CDH13: variants seen among roughly 807,000 people sequenced by gnomAD.
CDH13 encodes the protein cadherin-13.
CDH13 carries 24 observed loss-of-function variants against 63.8 expected under a neutral mutation model. The ratio of observed to expected loss-of-function variants is 0.38; its 90% CI spans 0.27 to 0.53. The LOEUF is 0.53. Among genes scored for constraint, CDH13 ranks in the 20% least tolerant of loss-of-function variants. The pLI is 0.85. For synonymous variants in CDH13, 503 were observed against 355.3 expected, an observed-to-expected ratio of 1.42 and a Z score of -4.67; for missense variants, 1,049 against 903.1, an observed-to-expected ratio of 1.16 and a Z score of -2.07.
chr16:83,188,192 T>A (rs1027005595), intron 4 of CDH13, among the ~76,000 whole-genome samples: 1 of 152,150 alleles, frequency 6.6e-6, no homozygotes, highest in African/African-American at 2.4e-5. Flanking sequence ...CTTATGTCTT[T>A]ATTGAATGGC....
chr16:83,492,127 G>T lies in CDH13; in HGVS notation c.960+5472G>T, dbSNP rs187539617. Among the ~76,000 whole-genome samples, 125 of 152,186 alleles carry T rather than the reference G, an allele frequency of 8.2e-4. 1 individual carries two copies. The highest frequency in any genetic ancestry group is 2.9e-3 in the African/African-American group (121 of 41,514). ...ATGACCCATGTTAAAATATTGTCACGTAGCATGCATCTCCAGAAACATACT... is the reference window on the plus strand; with the variant it reads ...ATGACCCATGTTAAAATATTGTCACTTAGCATGCATCTCCAGAAACATACT... On this transcript the variant is annotated intron_variant, in intron 7 of 13. Coordinates refer to ENST00000567109, the MANE Select transcript of CDH13 (RefSeq NM_001257.5).
At chr16:83,582,654 C>T (rs1567783081) in intron 7 of CDH13, among the ~76,000 whole-genome samples, 1 of 152,116 alleles carries the variant, frequency 6.6e-6, no homozygotes, top group African/African-American at 2.4e-5. Flanking sequence ...CACTTCCCAG[C>T]CGTGGGACAT....
At chr16:83,572,717 G>A (rs1443622091) in intron 7 of CDH13, among the ~76,000 whole-genome samples, 1 of 152,154 alleles carries the variant, frequency 6.6e-6, no homozygotes. Context: ...AGCCAAACAT[G>A]GCATTCGTGA....
At chr16:83,063,549 T>C (rs2031761548) in intron 3 of CDH13, among the ~76,000 whole-genome samples, 1 of 152,216 alleles carries the variant, frequency 6.6e-6, no homozygotes, top group Non-Finnish European at 1.5e-5. Flanking sequence ...ACAGAGATGA[T>C]TTAGCTGAAG....
At chr16:83,532,560 G>A (rs1290705765) in intron 7 of CDH13, among the ~76,000 whole-genome samples, 1 of 152,220 alleles carries the variant, frequency 6.6e-6, no homozygotes, top group Non-Finnish European at 1.5e-5. Context: ...GCTAGTGCAT[G>A]GTAGCTTCTC....
intron 9 of CDH13, among the ~76,000 whole-genome samples, chr16:83,674,856 T>G (rs999230170): frequency 6.6e-6 from 1 of 152,216 alleles, no homozygotes; most frequent in African/African-American, 2.4e-5. Flanking sequence ...CAACCCTACA[T>G]TTTAAGTTTA....
At chr16:82,670,394 A>G (rs1913098753) in intron 1 of CDH13, among the ~76,000 whole-genome samples, 1 of 152,124 alleles carries the variant, frequency 6.6e-6, no homozygotes, top group South Asian at 2.1e-4. Flanking sequence ...TCCTTCACGC[A>G]CCTATGGGTG....
At chr16:83,358,943 A>C (rs1230711196) in intron 6 of CDH13, among the ~76,000 whole-genome samples, 2 of 152,208 alleles carry the variant, frequency 1.3e-5, no homozygotes, top group Non-Finnish European at 2.9e-5. Context: ...GTCTAGTACT[A>C]ATAATCTGAA....
At chr16:83,053,851 C>A (rs945371290) in intron 3 of CDH13, among the ~76,000 whole-genome samples, 1 of 152,104 alleles carries the variant, frequency 6.6e-6, no homozygotes, top group East Asian at 1.9e-4. Flanking sequence ...TTCGAGACCC[C>A]GACCGGGTAC....
intron 3 of CDH13, among the ~76,000 whole-genome samples, chr16:83,122,391 T>TA (rs2035621917): frequency 6.6e-6 from 1 of 152,236 alleles, no homozygotes; most frequent in South Asian, 2.1e-4. Flanking sequence ...TTTAAAATGA[T>TA]ACAAAGTTTT....
intron 5 of CDH13, among the ~76,000 whole-genome samples, chr16:83,220,754 C>T (rs1002657967): frequency 6.6e-6 from 1 of 150,962 alleles, no homozygotes; most frequent in Non-Finnish European, 1.5e-5. Flanking sequence ...AAGTTAAGTG[C>T]TGCTCACATG....
Position 83,031,379 on chromosome 16 carries a change from C to T in CDH13, c.158-631C>T, listed in dbSNP as rs540593451. 5.8e-5 allele frequency among the ~76,000 whole-genome samples: 4 copies of T among 68,588 alleles called. 1 individual carries two copies. The highest frequency in any genetic ancestry group is 2.7e-4 in the Admixed American group (2 of 7,502). 45.0% of individuals were successfully genotyped at this position (68,588 alleles called of 152,430 possible). ...ATATACATGTACATGTATATGTATA[C>T]ACGTATATGTATATACATATACATG... On this transcript the variant is annotated intron_variant, in intron 2 of 13. Coordinates refer to ENST00000567109, the MANE Select transcript of CDH13 (RefSeq NM_001257.5).
At chr16:82,881,263 G>T (rs2040692064) in intron 2 of CDH13, among the ~76,000 whole-genome samples, 1 of 152,132 alleles carries the variant, frequency 6.6e-6, no homozygotes, top group Non-Finnish European at 1.5e-5. Flanking sequence ...TGGATGCCAT[G>T]GGTTGAAGTC....
rs77618854 is a variant in CDH13, at chr16:82,974,823, A to C, written c.158-57187A>C. Among the ~76,000 whole-genome samples the C allele has an allele frequency of 4.1e-3, 632 of 152,354 alleles. 39 individuals are homozygous for C. In the East Asian group the frequency reaches 0.093, roughly 22 times the overall value. ...AGCAGATTTGTCCCTAGAGCCTTCA[A>C]GAGTCTCCATGTCAGACTTTTGACC... On this transcript the variant is annotated intron_variant, in intron 2 of 13. Transcript: ENST00000567109.
intron 1 of CDH13, among the ~76,000 whole-genome samples, chr16:82,749,142 C>G (rs2034306701): frequency 1.3e-5 from 2 of 151,186 alleles, no homozygotes; most frequent in African/African-American, 4.9e-5. Context: ...CCGACAGAGC[C>G]AAGAAATGCA....
chr16:83,225,461 G>C (rs2039812344), intron 5 of CDH13, among the ~76,000 whole-genome samples: 1 of 152,176 alleles, frequency 6.6e-6, no homozygotes, highest in African/African-American at 2.4e-5. Context: ...CTAGACTTTG[G>C]ATGACTGTTA....
chr16:83,625,738 G>A (rs571504467), intron 8 of CDH13, among the ~76,000 whole-genome samples: 1 of 152,252 alleles, frequency 6.6e-6, no homozygotes, highest in East Asian at 1.9e-4. Context: ...GCTCAAGAAG[G>A]GGCAGCCCCC....
intron 6 of CDH13, among the ~76,000 whole-genome samples, chr16:83,458,333 G>A (rs1254045284): frequency 6.6e-6 from 1 of 152,166 alleles, no homozygotes; most frequent in Non-Finnish European, 1.5e-5. Context: ...AAAATCTCAA[G>A]CACAGAAATG....
intron 5 of CDH13, among the ~76,000 whole-genome samples, chr16:83,256,654 A>G (rs1419641732): frequency 1.7e-5 from 2 of 118,930 alleles, no homozygotes; most frequent in Non-Finnish European, 3.4e-5. Context: ...ACACGGTGAA[A>G]CCCCGTCTCT....
Sources: allele counts gnomAD v4.1 joint callset (sites outside exome capture counted in the v4.1 genomes callset), GRCh38; gene constraint gnomAD v4.1.1; transcripts MANE v1.5; gene names NCBI Gene and HGNC (gene_info 2026-07-23, HGNC 2026-07-21).